Variants in GALNT10 observed in about 807,000 individuals in gnomAD.
GALNT10 encodes GalNAc transferase 10.
In GALNT10, 41 loss-of-function variants were observed where a neutral mutation model predicts 75.0. That is an observed-to-expected ratio of 0.55 (90% confidence interval 0.43 to 0.71). The LOEUF (loss-of-function observed/expected upper bound fraction) is 0.71, where lower values mean the gene tolerates loss of function less well. GALNT10 is among the 30% of genes least tolerant of loss of function. The pLI is 0.00. For missense variants in GALNT10, 727 were observed against 818.5 expected (o/e 0.89, Z 1.36); for synonymous variants, 302 against 313.0 (o/e 0.96, Z 0.37).
At chr5:154,363,470 G>C (rs2113157809) in intron 4 of GALNT10, among the ~76,000 whole-genome samples, 1 of 118,326 alleles carries the variant, frequency 8.5e-6, no homozygotes, top group East Asian at 2.8e-4. Context: ...ATCCTGAAAG[G>C]ATTTTGTGCC....
intron 3 of GALNT10, among the ~76,000 whole-genome samples, chr5:154,329,003 A>T (rs1754800792): frequency 6.6e-6 from 1 of 152,044 alleles, no homozygotes; most frequent in African/African-American, 2.4e-5. Flanking sequence ...CCAAGCTTCT[A>T]ATTATGGCAT....
At chr5:154,318,445 AT>A (rs1554098432) in intron 3 of GALNT10, among the ~76,000 whole-genome samples, 1 of 9,484 alleles carries the variant, frequency 1.1e-4, no homozygotes, top group Non-Finnish European at 2.9e-4. Context: ...TAAAATACTA[AT>A]ATATATATAT....
intron 1 of GALNT10, among the ~76,000 whole-genome samples, chr5:154,241,348 C>A (rs1361953292): frequency 6.6e-6 from 1 of 152,116 alleles, no homozygotes; most frequent in African/African-American, 2.4e-5. Flanking sequence ...GTATAGAGGA[C>A]AACAGCAACA....
chr5:154,344,646 C>T (rs1294447551), intron 4 of GALNT10, among the ~76,000 whole-genome samples: 1 of 152,146 alleles, frequency 6.6e-6, no homozygotes, highest in African/African-American at 2.4e-5. Flanking sequence ...CCTCCACATG[C>T]AAAAGCTCAA....
chr5:154,413,863 A>C (rs1756450364), intron 10 of GALNT10, among the ~76,000 whole-genome samples: 1 of 152,252 alleles, frequency 6.6e-6, no homozygotes, highest in Admixed American at 6.5e-5. Flanking sequence ...AGCAATCCAC[A>C]GATGGGAAGA....
At chr5:154,356,673 C>A (rs1047989335) in intron 4 of GALNT10, among the ~76,000 whole-genome samples, 5 of 152,190 alleles carry the variant, frequency 3.3e-5, no homozygotes, top group South Asian at 4.1e-4. Flanking sequence ...AGAAGGGAGA[C>A]CCTGGGAGAA....
chr5:154,420,572 T>C lies in GALNT10; in HGVS notation c.*3600T>C, dbSNP rs1038908160. The C allele has an allele frequency of 3.3e-5, 5 of 152,234 alleles. No homozygotes were observed. Among genetic ancestry groups the C allele is most frequent in the African/African-American group, 1.2e-4 (5 of 41,464 alleles). The allele number at this position is 152,234 out of a possible 1,614,324, so 9.4% of individuals were successfully genotyped here. A position where few individuals can be genotyped will look rare whatever the true frequency, so the allele number is the denominator to read the frequency against. ...GAGAGGGACAAGAAGTGCAGTTCTG[T>C]TCTGGAATTCCTTATTGCTTTCAAC... On this transcript the variant is annotated 3_prime_UTR_variant, in exon 12 of 12. Coordinates refer to ENST00000297107, the MANE Select transcript of GALNT10 (RefSeq NM_198321.4).
chr5:154,295,235 T>G (rs959663540), intron 2 of GALNT10, among the ~76,000 whole-genome samples: 5 of 152,206 alleles, frequency 3.3e-5, no homozygotes, highest in African/African-American at 4.8e-5. Flanking sequence ...TTTTATAGGA[T>G]AGAAATGTCT....
At chr5:154,245,608 C>A (rs73293378) in intron 1 of GALNT10, among the ~76,000 whole-genome samples, 26,807 of 151,110 alleles carry the variant, frequency 0.18, 2,520 homozygotes, top group African/African-American at 0.21. Flanking sequence ...ACTTTGTGAT[C>A]TTCATATATT....
chr5:154,247,906 G>C (rs1581937518), intron 1 of GALNT10, among the ~76,000 whole-genome samples: 1 of 152,304 alleles, frequency 6.6e-6, no homozygotes, highest in Non-Finnish European at 1.5e-5. Flanking sequence ...CAAAGGGAAT[G>C]CTTCCAGTTT....
At chr5:154,393,240 A>AT (rs1395962640) in intron 7 of GALNT10, among the ~76,000 whole-genome samples, 1 of 151,930 alleles carries the variant, frequency 6.6e-6, no homozygotes, top group African/African-American at 2.4e-5. Context: ...CTCCCGGCTA[A>AT]TTTTTTAATA....
intron 7 of GALNT10, among the ~76,000 whole-genome samples, chr5:154,396,341 T>C (rs113587172): frequency 0.037 from 5,560 of 152,254 alleles, 316 homozygotes; most frequent in African/African-American, 0.13. Context: ...AGCATCCACA[T>C]AGGGAGTCCA....
At position 154,190,978 on chromosome 5, in the gene GALNT10, G is replaced by C; in HGVS notation, c.112G>C (p.Gly38Arg). 2.0e-6 allele frequency: 3 copies of C among 1,505,416 alleles called. No individual in the cohort carries two copies. The highest frequency in any genetic ancestry group is 2.7e-6 in the Non-Finnish European group (3 of 1,128,192). 93.3% of individuals were successfully genotyped at this position (1,505,416 alleles called of 1,614,324 possible). The change falls in exon 1 of 12, where the codon GGC (glycine) becomes CGC (arginine). Residue 38 changes from glycine (G) to arginine (R), a missense_variant. Gly to Arg is a moderately radical substitution (Grantham distance 125). Coordinates refer to ENST00000297107, the MANE Select transcript of GALNT10 (RefSeq NM_198321.4). The stretch of plus-strand genomic sequence containing the variant: ...GCTGTACCGCGAGCGGCAGCCCGAC[G>C]GCACCCCTGGGGGATCGGGGGCGGC... The part of the protein sequence containing the change: ...WALYRERQPD[G>R]TPGGSGAAVA...
At chr5:154,321,327 T>C (rs1200712657) in intron 3 of GALNT10, among the ~76,000 whole-genome samples, 1 of 149,400 alleles carries the variant, frequency 6.7e-6, no homozygotes, top group East Asian at 2.0e-4. Flanking sequence ...TTTTTCTCCT[T>C]GAGACACGGT....
chr5:154,308,446 C>T (rs1401533925), intron 3 of GALNT10, among the ~76,000 whole-genome samples: 4 of 152,148 alleles, frequency 2.6e-5, no homozygotes, highest in Non-Finnish European at 5.9e-5. Flanking sequence ...GAAGTCTTCT[C>T]GAATGGTGAT....
intron 7 of GALNT10, among the ~76,000 whole-genome samples, chr5:154,400,495 G>A (rs1756139695): frequency 6.6e-6 from 1 of 152,174 alleles, no homozygotes. Context: ...AGGAGGTTGG[G>A]TGCTCCAGCT....
intron 1 of GALNT10, among the ~76,000 whole-genome samples, chr5:154,258,978 C>T (rs1441907788): frequency 6.6e-6 from 1 of 152,094 alleles, no homozygotes; most frequent in African/African-American, 2.4e-5. Context: ...TCTTTGTACC[C>T]TTTACCCAGC....
intron 10 of GALNT10, among the ~76,000 whole-genome samples, chr5:154,413,632 TGCTCAGACAATAGTGG>T (rs1490920960): frequency 1.3e-5 from 2 of 152,182 alleles, no homozygotes; most frequent in African/African-American, 4.8e-5. Flanking sequence ...GAAGAGCCAC[TGCTCAGACAATAGTGG>T]GCTCATGCCT....
At chr5:154,344,431 C>T (rs988913133) in intron 4 of GALNT10, among the ~76,000 whole-genome samples, 3 of 151,974 alleles carry the variant, frequency 2.0e-5, no homozygotes, top group Middle Eastern at 3.2e-3. Context: ...AGGATGGTCT[C>T]GATCTCCTGA....
Sources: gnomAD v4.1 joint callset for allele counts (sites outside exome capture counted in the v4.1 genomes callset) on GRCh38, gnomAD v4.1.1 for gene constraint, MANE v1.5 for transcripts, NCBI Gene and HGNC (gene_info 2026-07-23, HGNC 2026-07-21) for gene names.